TMEM164: variants seen among roughly 807,000 people sequenced by gnomAD.
The protein encoded by TMEM164 is RP13-360B22.2.
TMEM164 carries 4 observed loss-of-function variants against 18.8 expected under a neutral mutation model. That is an observed-to-expected ratio of 0.21 (90% CI 0.10 to 0.49). The LOEUF is 0.49. Among genes scored for constraint, TMEM164 ranks in the 20% least tolerant of loss-of-function variants. TMEM164 has a pLI of 0.98. For missense variants in TMEM164, 108 were observed against 239.9 expected (o/e 0.45, Z 3.63); for synonymous variants, 86 against 101.7 (o/e 0.85, Z 0.93).
intron 3 of TMEM164, among the ~76,000 whole-genome samples, chrX:110,085,693 G>A (rs926248071): frequency 3.6e-5 from 4 of 110,813 alleles, no homozygotes; most frequent in East Asian, 2.8e-4. Flanking sequence ...ATATGGAATC[G>A]TCTACCCCTA....
intron 5 of TMEM164, among the ~76,000 whole-genome samples, chrX:110,156,905 T>C (rs1445804534): frequency 2.7e-5 from 3 of 111,721 alleles, no homozygotes; most frequent in African/African-American, 9.8e-5. Flanking sequence ...TCAACATGAA[T>C]CTGAGGAGAG....
chrX:110,150,905 G>A (rs1326459776), intron 5 of TMEM164, among the ~76,000 whole-genome samples: 1 of 111,257 alleles, frequency 9.0e-6, no homozygotes, highest in Non-Finnish European at 1.9e-5. Context: ...ACAACTATAT[G>A]CCAGATATTG....
At chrX:110,075,958 G>T (rs1479462619) in intron 3 of TMEM164, among the ~76,000 whole-genome samples, 2 of 108,312 alleles carry the variant, frequency 1.8e-5, no homozygotes, top group Non-Finnish European at 3.8e-5. Context: ...TGTTATCAAG[G>T]TGATGCTGGC....
intron 2 of TMEM164, among the ~76,000 whole-genome samples, chrX:110,014,744 C>CTTTTTTTTTTTTTTTTTTTTTTTGTTTTT (rs142705177): frequency 1.8e-5 from 1 of 54,241 alleles, no homozygotes; most frequent in Non-Finnish European, 3.2e-5. Flanking sequence ...TTGGTTGTTT[C>CTTTTTTTTTTTTTTTTTTTTTTTGTTTTT]TTTTTTTTTT....
In TMEM164 at chrX:110,073,944, C is replaced by T. The variant is rs145873422; in HGVS notation, c.440+6548C>T. Among the ~76,000 whole-genome samples, 411 of 111,115 alleles carry T rather than the reference C, an allele frequency of 3.7e-3. 1 individual carries two copies. Among genetic ancestry groups the T allele is most frequent in the South Asian group, 0.029 (77 of 2,634 alleles). Reference sequence around the variant, plus strand: ...CCAGGCTGGAGTACAGTGGCCTGATCTCGGCTCACTGTAAACTCATCCTCC... The same window carrying T: ...CCAGGCTGGAGTACAGTGGCCTGATTTCGGCTCACTGTAAACTCATCCTCC... On this transcript the variant is annotated intron_variant, in intron 3 of 6. Transcript: ENST00000372068.
intron 2 of TMEM164, among the ~76,000 whole-genome samples, chrX:110,014,924 G>T (rs1455619716): frequency 5.5e-5 from 6 of 110,049 alleles, no homozygotes; most frequent in Non-Finnish European, 9.5e-5. Context: ...TGAAGGAGAA[G>T]CACAGTATAG....
rs141951885 is a variant in TMEM164, at chrX:110,075,636, A to G, written c.440+8240A>G. Among the ~76,000 whole-genome samples the G allele has an allele frequency of 4.2e-3, 471 of 111,517 alleles. 1 individual carries two copies. The highest frequency in any genetic ancestry group is 0.014 in the African/African-American group (426 of 30,731). ...TATTATTTTGAGGTATATTCTTTCA[A>G]TGTTTAGCTTGTTGAAGGTTTTTAT... On this transcript the variant is annotated intron_variant, in intron 3 of 6. Transcript: ENST00000372068.
chrX:110,047,308 A>C (rs1195462076), intron 2 of TMEM164, among the ~76,000 whole-genome samples: 1 of 112,247 alleles, frequency 8.9e-6, no homozygotes, highest in African/African-American at 3.2e-5. Flanking sequence ...GACACTTAAC[A>C]CTCAAACATT....
At chrX:110,115,487 A>T (rs1222121393) in intron 4 of TMEM164, among the ~76,000 whole-genome samples, 1 of 111,720 alleles carries the variant, frequency 9.0e-6, no homozygotes, top group African/African-American at 3.3e-5. Context: ...GGGTATTGAG[A>T]TGAGTTTGGG....
At chrX:110,027,283 C>G (rs972232220) in intron 2 of TMEM164, among the ~76,000 whole-genome samples, 1 of 111,581 alleles carries the variant, frequency 9.0e-6, no homozygotes, top group African/African-American at 3.3e-5. Flanking sequence ...GCTTTTTCTT[C>G]TGTTGAGATG....
At chrX:110,014,623 A>T (rs1450501730) in intron 2 of TMEM164, among the ~76,000 whole-genome samples, 2 of 110,206 alleles carry the variant, frequency 1.8e-5, no homozygotes, top group East Asian at 5.7e-4. Flanking sequence ...CCATGGTGCA[A>T]ACTCTCTTGA....
At chrX:110,017,042 C>T (rs1405486635) in intron 2 of TMEM164, among the ~76,000 whole-genome samples, 1 of 112,174 alleles carries the variant, frequency 8.9e-6, no homozygotes, top group African/African-American at 3.2e-5. Context: ...GCTGTACTTT[C>T]TCAGGTTGTT....
intron 2 of TMEM164, among the ~76,000 whole-genome samples, chrX:110,017,405 C>CCTTCCTTTCTTTCTTT (rs1555984533): frequency 2.0e-4 from 3 of 15,288 alleles, no homozygotes; most frequent in African/African-American, 3.3e-4. Context: ...CCACCTCCTT[C>CCTTCCTTTCTTTCTTT]CTTTCTTTCT....
intron 2 of TMEM164, among the ~76,000 whole-genome samples, chrX:110,017,444 T>TTCTTTCTTTCTTTC (rs1182465665): frequency 0.02 from 865 of 42,983 alleles, 33 homozygotes; most frequent in African/African-American, 0.053. Flanking sequence ...CTTTCTTTCT[T>TTCTTTCTTTCTTTC]TCTCTCTCTC....
At position 110,075,469 on chromosome X, in the gene TMEM164, C is replaced by A. The variant is rs186418589; in HGVS notation, c.440+8073C>A. Among the ~76,000 whole-genome samples, 16 of 111,309 alleles carry A rather than the reference C, an allele frequency of 1.4e-4. No individual in the cohort carries two copies. The East Asian group carries it at 3.1e-3, about 22-fold the overall frequency. ...TTTATTTATTCCTCTTGCCTGATTT[C>A]TCTGGCTAAGCCTTCCAGTACTATG... On this transcript the variant is annotated intron_variant, in intron 3 of 6. Transcript: ENST00000372068.
intron 2 of TMEM164, among the ~76,000 whole-genome samples, chrX:110,052,417 C>T (rs1935600235): frequency 8.9e-6 from 1 of 112,652 alleles, no homozygotes; most frequent in African/African-American, 3.2e-5. Flanking sequence ...CTGCCATTAC[C>T]AGATTCTTGG....
intron 3 of TMEM164, among the ~76,000 whole-genome samples, chrX:110,105,731 C>CAGAG (rs745823538): frequency 1.2e-5 from 1 of 86,719 alleles, no homozygotes; most frequent in East Asian, 3.8e-4. Context: ...GACACACACA[C>CAGAG]AGAGAGAGAG....
chrX:110,169,355 A>G (rs2067199907), intron 5 of TMEM164, among the ~76,000 whole-genome samples: 2 of 110,308 alleles, frequency 1.8e-5, no homozygotes, highest in Admixed American at 1.9e-4. Context: ...CTCCCCAACA[A>G]TCTTCTCCAA....
intron 4 of TMEM164, among the ~76,000 whole-genome samples, chrX:110,109,496 C>T (rs770804959): frequency 8.9e-6 from 1 of 111,748 alleles, no homozygotes; most frequent in East Asian, 2.8e-4. Context: ...CCAGCCTGGG[C>T]GACAGAGCGA....
Sources: allele counts gnomAD v4.1 joint callset (sites outside exome capture counted in the v4.1 genomes callset), GRCh38; gene constraint gnomAD v4.1.1; transcripts MANE v1.5; gene names NCBI Gene and HGNC (gene_info 2026-07-23, HGNC 2026-07-21).